The following APBA1 variants were observed in gnomAD, a reference collection of about 807,000 sequenced individuals.
The protein encoded by APBA1 is amyloid beta precursor protein binding family A member 1.
APBA1 carries 55 observed loss-of-function variants against 86.6 expected under a neutral mutation model. The observed-to-expected ratio is 0.64, with a 90% CI of 0.51 to 0.80. APBA1 has a LOEUF of 0.80. APBA1 is among the 30% of genes least tolerant of loss of function. The pLI is 0.00. For missense variants in APBA1, 1,090 were observed against 1,183.0 expected, an observed-to-expected ratio of 0.92 and a Z score of 1.15; for synonymous variants, 511 against 493.9, an observed-to-expected ratio of 1.03 and a Z score of -0.46.
chr9:69,652,154 C>A (rs150922164), intron 1 of APBA1, among the ~76,000 whole-genome samples: 1 of 152,194 alleles, frequency 6.6e-6, no homozygotes, highest in South Asian at 2.1e-4. Context: ...GGACTTCTAG[C>A]CACCAGAACT....
intron 1 of APBA1, among the ~76,000 whole-genome samples, chr9:69,597,694 T>G (rs889535157): frequency 1.6e-4 from 25 of 152,274 alleles, no homozygotes; most frequent in African/African-American, 1.2e-4. Context: ...TTTGTATAAG[T>G]TGTAAGGAAG....
At chr9:69,663,715 T>A (rs899262861) in intron 1 of APBA1, among the ~76,000 whole-genome samples, 1 of 152,220 alleles carries the variant, frequency 6.6e-6, no homozygotes, top group African/African-American at 2.4e-5. Flanking sequence ...AATTGTATGC[T>A]AATTAATCCA....
At chr9:69,517,335 T>C (rs1836184484) in intron 1 of APBA1, 56 bp from the exon 2 acceptor site, 2 of 1,353,728 alleles carry the variant, frequency 1.5e-6, no homozygotes, top group African/African-American at 1.5e-5. Context: ...CGTTATGAGC[T>C]GAGTATTCAG....
intron 9 of APBA1, among the ~76,000 whole-genome samples, chr9:69,451,734 C>A (rs1835013178): frequency 6.6e-6 from 1 of 152,264 alleles, no homozygotes; most frequent in African/African-American, 2.4e-5. Context: ...AACTTGAGAT[C>A]TTCTCTGTTT....
At chr9:69,459,933 A>C (rs1333259096) in intron 5 of APBA1, among the ~76,000 whole-genome samples, 1 of 152,252 alleles carries the variant, frequency 6.6e-6, no homozygotes, top group Admixed American at 6.5e-5. Flanking sequence ...CCTTTTGCTA[A>C]GACTTGCTAT....
In APBA1 at chr9:69,431,293, A is replaced by G. The variant is rs979653110; in HGVS notation, c.*34T>C. 1 of 1,536,302 alleles carries G rather than the reference A, an allele frequency of 6.5e-7. No homozygotes were observed. The highest frequency in any genetic ancestry group is 1.2e-5 in the South Asian group (1 of 81,232). ...CGAGAAACACAACCACGAAGAGGAG[A>G]GTCCTCCATGCATGCCACCGCGTGT... On this transcript the variant is annotated 3_prime_UTR_variant, in exon 13 of 13. Transcript: ENST00000265381.
intron 1 of APBA1, among the ~76,000 whole-genome samples, chr9:69,645,229 T>C (rs1823369007): frequency 6.6e-6 from 1 of 152,220 alleles, no homozygotes; most frequent in Non-Finnish European, 1.5e-5. Context: ...ATTTTCATCT[T>C]ACTTGATCCT....
At position 69,604,907 on chromosome 9, in the gene APBA1, C is replaced by T. The variant is rs143560504; in HGVS notation, c.-70+67246G>A. ...ACATGAGGGTAAGAGGAGAGGCACA[C>T]GGGTATGGGCACACATGCACACACG... is the stretch of plus-strand genomic sequence containing the variant. On this transcript the variant is annotated intron_variant, in intron 1 of 12. Transcript: ENST00000265381. Among the ~76,000 whole-genome samples the T allele has an allele frequency of 2.1e-3, 308 of 146,444 alleles. 4 individuals are homozygous for T. The highest frequency in any genetic ancestry group is 7.5e-3 in the Middle Eastern group (2 of 268).
intron 1 of APBA1, among the ~76,000 whole-genome samples, chr9:69,635,662 T>C (rs927155494): frequency 1.3e-5 from 2 of 151,950 alleles, no homozygotes; most frequent in African/African-American, 2.4e-5. Flanking sequence ...AGATACTCCA[T>C]GTAAATGGAA....
At chr9:69,465,072 A>G (rs1450811831) in intron 5 of APBA1, 2 of 152,320 alleles carry the variant, frequency 1.3e-5, no homozygotes, top group African/African-American at 4.8e-5. Flanking sequence ...GGCTCTGGGT[A>G]GCATTCCTTG....
intron 1 of APBA1, among the ~76,000 whole-genome samples, chr9:69,577,310 A>G (rs1290256522): frequency 6.6e-6 from 1 of 152,240 alleles, no homozygotes; most frequent in Non-Finnish European, 1.5e-5. Flanking sequence ...CATCATGAGT[A>G]GACAGGGTGC....
chr9:69,556,898 C>T (rs1836869643), intron 1 of APBA1, among the ~76,000 whole-genome samples: 1 of 152,130 alleles, frequency 6.6e-6, no homozygotes, highest in African/African-American at 2.4e-5. Context: ...AAGGAGGTTA[C>T]CTATGGGAGA....
chr9:69,458,220 A>G, intron 5 of APBA1, 32 bp from the exon 6 acceptor site: 1 of 1,591,792 alleles, frequency 6.3e-7, no homozygotes, highest in Admixed American at 1.8e-5. Flanking sequence ...GAGACAGGAG[A>G]ATAGTTAGAA....
intron 1 of APBA1, among the ~76,000 whole-genome samples, chr9:69,604,774 G>A (rs1243563658): frequency 2.7e-5 from 4 of 149,178 alleles, no homozygotes; most frequent in Non-Finnish European, 5.9e-5. Context: ...AGAAGCACAT[G>A]GGTGTGGGCA....
intron 1 of APBA1, among the ~76,000 whole-genome samples, chr9:69,571,972 A>T (rs1464246676): frequency 6.6e-6 from 1 of 152,224 alleles, no homozygotes; most frequent in African/African-American, 2.4e-5. Flanking sequence ...ATCCTGCTTT[A>T]CCACTGCTTC....
At chr9:69,457,014 C>T in intron 7 of APBA1, 39 bp downstream of exon 7, 1 of 1,557,414 alleles carries the variant, frequency 6.4e-7, no homozygotes, top group Non-Finnish European at 8.9e-7. Flanking sequence ...TACGATGTCA[C>T]TAAGCTTCAC....
intron 1 of APBA1, among the ~76,000 whole-genome samples, chr9:69,517,506 C>T (rs1167829623): frequency 2.0e-5 from 3 of 152,138 alleles, no homozygotes; most frequent in Non-Finnish European, 4.4e-5. Flanking sequence ...TCCGTTCCCA[C>T]CCCTCACACT....
At chr9:69,503,770 A>C (rs1428755174) in intron 2 of APBA1, among the ~76,000 whole-genome samples, 1 of 152,082 alleles carries the variant, frequency 6.6e-6, no homozygotes, top group African/African-American at 2.4e-5. Flanking sequence ...AGACTGCCTA[A>C]CTGGAGCCCT....
intron 1 of APBA1, among the ~76,000 whole-genome samples, chr9:69,522,086 C>T (rs1048819932): frequency 5.4e-5 from 8 of 149,438 alleles, no homozygotes; most frequent in Admixed American, 2.7e-4. Context: ...CACACACACA[C>T]ATATATAAAT....
Sources: allele counts gnomAD v4.1 joint callset (sites outside exome capture counted in the v4.1 genomes callset), GRCh38; gene constraint gnomAD v4.1.1; transcripts MANE v1.5; gene names NCBI Gene and HGNC (gene_info 2026-07-23, HGNC 2026-07-21).